RER1: variants seen among roughly 807,000 people sequenced by gnomAD.
RER1 encodes retention in endoplasmic reticulum sorting receptor 1.
Under a neutral mutation model 28.3 loss-of-function variants are expected in RER1, and 6 were observed. That is an observed-to-expected ratio of 0.21 (90% CI 0.12 to 0.42). The LOEUF (loss-of-function observed/expected upper bound fraction) is 0.42. Ranked by LOEUF, RER1 falls within the 10% of genes least tolerant of loss-of-function variation. The pLI is 1.00. For missense variants in RER1, 159 were observed against 252.9 expected, an observed-to-expected ratio of 0.63 and a Z score of 2.52; for synonymous variants, 110 against 95.9, an observed-to-expected ratio of 1.15 and a Z score of -0.86.
chr1:2,396,762 G>A (rs1642774013), intron 2 of RER1, among the ~76,000 whole-genome samples: 1 of 152,188 alleles, frequency 6.6e-6, no homozygotes. Flanking sequence ...TGACGATAAG[G>A]GCTGTGCTGT....
At chr1:2,403,007 G>A (rs1250866306) in intron 6 of RER1, 28 bp from the exon 7 acceptor site, 2 of 1,590,402 alleles carry the variant, frequency 1.3e-6, no homozygotes, top group African/African-American at 1.3e-5. Context: ...CGGTTGTGCA[G>A]TAACTGAGTC....
At chr1:2,394,168 C>A (rs760092435) in intron 1 of RER1, 2 of 152,278 alleles carry the variant, frequency 1.3e-5, no homozygotes, top group South Asian at 4.1e-4. Context: ...GGAGTTCTTT[C>A]AGTGGAGAGT....
At chr1:2,398,846 A>G (rs1642805258) in intron 3 of RER1, among the ~76,000 whole-genome samples, 1 of 152,258 alleles carries the variant, frequency 6.6e-6, no homozygotes, top group Admixed American at 6.5e-5. Flanking sequence ...GGCTTGGCAT[A>G]AGCACACTTT....
At chr1:2,397,255 G>T in intron 3 of RER1, 35 bp downstream of exon 3, 1 of 1,412,810 alleles carries the variant, frequency 7.1e-7, no homozygotes, top group Non-Finnish European at 1.0e-6. Context: ...ACTTGGCTCT[G>T]TCCACGTTAC....
chr1:2,401,231 TC>T (rs1642845196), intron 5 of RER1, among the ~76,000 whole-genome samples: 1 of 70,922 alleles, frequency 1.4e-5, no homozygotes, highest in African/African-American at 5.1e-5. Context: ...CCTCCTCCCT[TC>T]CTCCCTCCTT....
intron 1 of RER1, chr1:2,395,361 G>A (rs72924933): frequency 0.035 from 7,921 of 229,372 alleles, 346 homozygotes; most frequent in African/African-American, 0.12. Flanking sequence ...AGGACAGGGC[G>A]TGGAGCAGAC....
At chr1:2,396,018 C>T in intron 2 of RER1, 147 bp downstream of exon 2, 4 of 685,250 alleles carry the variant, frequency 5.8e-6, no homozygotes, top group Non-Finnish European at 1.1e-5. Flanking sequence ...GCGTTCTCTT[C>T]ACTGTGAAGG....
intron 1 of RER1, among the ~76,000 whole-genome samples, chr1:2,393,012 G>A (rs1642709472): frequency 8.1e-4 from 1 of 1,230 alleles, no homozygotes; most frequent in African/African-American, 4.2e-3. Flanking sequence ...GAGAAAGGTG[G>A]GAGCCAGACT....
At chr1:2,402,952 A>T in intron 6 of RER1, 83 bp from the exon 7 acceptor site, 2 of 1,122,564 alleles carry the variant, frequency 1.8e-6, no homozygotes, top group Non-Finnish European at 1.3e-6. Flanking sequence ...AAGATGGGGG[A>T]CCTTTGGCCG....
chr1:2,401,227 C>CCTTCCCCTCCCT (rs1642844472), intron 5 of RER1, among the ~76,000 whole-genome samples: 29 of 75,112 alleles, frequency 3.9e-4, no homozygotes, highest in Non-Finnish European at 7.0e-4. Flanking sequence ...CCCTCCTCCT[C>CCTTCCCCTCCCT]CCTTCCTCCC....
Position 2,403,277 on chromosome 1 carries a change from T to G in RER1, c.*153T>G, listed in dbSNP as rs1440891490. 1.6e-6 allele frequency: 1 copy of G among 617,400 alleles called. No individual in the cohort carries two copies. Among genetic ancestry groups the G allele is most frequent in the Non-Finnish European group, 2.9e-6 (1 of 343,374 alleles). The allele number at this position is 617,400 out of a possible 1,614,324, so 38.2% of individuals were successfully genotyped here. A position where few individuals can be genotyped will look rare whatever the true frequency, so the allele number is the denominator to read the frequency against. ...ATGATTTGTAACTGAAATATCAGGT[T>G]CTAGAAGAAACTGGCGCTTAAACCA... On this transcript the variant is annotated 3_prime_UTR_variant, in exon 7 of 7. Transcript: ENST00000605895.
At position 2,399,402 on chromosome 1, in the gene RER1, C is replaced by G; in HGVS notation, c.187-13C>G. On this transcript the variant is annotated splice_polypyrimidine_tract_variant and intron_variant, in intron 3 of 6. Transcript: ENST00000605895. Reference sequence around the variant, plus strand: ...TCAGAGTGCACCACTGACTCTCTTTCCTTCTCTTTCAGGGTTGGTACATTG... The same window carrying G: ...TCAGAGTGCACCACTGACTCTCTTTGCTTCTCTTTCAGGGTTGGTACATTG... 6.4e-7 allele frequency: 1 copy of G among 1,568,502 alleles called. No homozygotes were observed. The highest frequency in any genetic ancestry group is 1.1e-5 in the South Asian group (1 of 90,142).
Position 2,397,043 on chromosome 1 carries a change from GGTACATTTTGT to G in RER1, c.82-71_82-61del. ...AAATTGAAAGCCAACCCTAGCAGAA[GGTACATTTTGT>G]GGCAGGGTCAGTACAGAAGTTACAG... On this transcript the variant is annotated intron_variant, in intron 2 of 6. Coordinates refer to ENST00000605895, the MANE Select transcript of RER1 (RefSeq NM_007033.5). 3.2e-6 allele frequency: 3 copies of G among 935,568 alleles called. No homozygotes were observed. In the South Asian group the frequency reaches 4.4e-5, roughly 14 times the overall value. The allele number at this position is 935,568 out of a possible 1,614,324, so 58.0% of individuals were successfully genotyped here.
At chr1:2,392,870 C>T (rs1642706169) in intron 1 of RER1, among the ~76,000 whole-genome samples, 1 of 152,132 alleles carries the variant, frequency 6.6e-6, no homozygotes, top group African/African-American at 2.4e-5. Flanking sequence ...TGGAATGTGG[C>T]CTTGGGAAGG....
chr1:2,402,852 T>C (rs1252920474), intron 6 of RER1, among the ~76,000 whole-genome samples, 183 bp from the exon 7 acceptor site: 1 of 152,158 alleles, frequency 6.6e-6, no homozygotes, highest in Admixed American at 6.5e-5. Context: ...GTTTCAAACC[T>C]AGGCCTCGTG....
intron 2 of RER1, among the ~76,000 whole-genome samples, chr1:2,396,867 C>T (rs1269568354): frequency 6.6e-6 from 1 of 152,230 alleles, no homozygotes; most frequent in African/African-American, 2.4e-5. Context: ...GTCACAGTCT[C>T]CTAGGAGATT....
At chr1:2,392,620 C>G (rs930343839) in intron 1 of RER1, among the ~76,000 whole-genome samples, 1 of 152,230 alleles carries the variant, frequency 6.6e-6, no homozygotes, top group Non-Finnish European at 1.5e-5. Context: ...GGCTTTTGCC[C>G]TTTTCCCTTT....
Position 2,404,683 on chromosome 1 carries a change from G to C in RER1, c.*1559G>C, listed in dbSNP as rs898204055. On this transcript the variant is annotated 3_prime_UTR_variant, in exon 7 of 7. Transcript: ENST00000605895. The stretch of plus-strand genomic sequence containing the variant: ...TCAAACAGCAAGACATGGTTTGCGC[G>C]GGTCTTTGCCGGAAGCCGGTCCTGC... 1 of 152,260 alleles carries C rather than the reference G, an allele frequency of 6.6e-6. No individual in the cohort carries two copies. Among genetic ancestry groups the C allele is most frequent in the African/African-American group, 2.4e-5 (1 of 41,464 alleles). 9.4% of individuals were successfully genotyped at this position (152,260 alleles called of 1,614,324 possible).
intron 1 of RER1, among the ~76,000 whole-genome samples, chr1:2,393,547 C>A (rs1017837640): frequency 2.6e-5 from 4 of 152,144 alleles, no homozygotes; most frequent in Admixed American, 1.3e-4. Context: ...ACTGCCTTGC[C>A]CGGCTCCAAG....
Sources: allele counts gnomAD v4.1 joint callset (sites outside exome capture counted in the v4.1 genomes callset), GRCh38; gene constraint gnomAD v4.1.1; transcripts MANE v1.5; gene names NCBI Gene and HGNC (gene_info 2026-07-23, HGNC 2026-07-21).